Variants in ACOXL observed in about 807,000 individuals in gnomAD.
The protein encoded by ACOXL is acyl-CoA oxidase like.
ACOXL carries 70 observed loss-of-function variants against 71.9 expected under a neutral mutation model. The ratio of observed to expected loss-of-function variants is 0.97; its 90% CI spans 0.80 to 1.19. ACOXL has a LOEUF of 1.19. Ranked by LOEUF, ACOXL falls within the 50% of genes most tolerant of loss-of-function variation. The probability of loss-of-function intolerance (pLI) is 0.00; values close to 1 mark genes in which losing one functional copy is unlikely to be tolerated. For synonymous variants in ACOXL, 253 were observed against 281.6 expected, an observed-to-expected ratio of 0.90 and a Z score of 1.02; for missense variants, 703 against 736.3, an observed-to-expected ratio of 0.95 and a Z score of 0.52.
chr2:111,011,837 T>C (rs1172222619), intron 14 of ACOXL, among the ~76,000 whole-genome samples: 12 of 136,572 alleles, frequency 8.8e-5, no homozygotes, highest in African/African-American at 3.1e-4. Flanking sequence ...TGAGCCAAGA[T>C]TGCACCACTG....
intron 16 of ACOXL, among the ~76,000 whole-genome samples, chr2:111,075,728 A>G (rs1442537937): frequency 6.6e-6 from 1 of 152,044 alleles, no homozygotes; most frequent in East Asian, 1.9e-4. Context: ...TCTGAGTACT[A>G]CTTTTCCTGC....
chr2:111,094,014 A>T (rs896973611), intron 17 of ACOXL: 1 of 152,806 alleles, frequency 6.5e-6, no homozygotes, highest in African/African-American at 2.4e-5. Flanking sequence ...TTCTTATGCT[A>T]GACCTTGAAG....
chr2:110,965,776 A>G (rs1011660356), intron 12 of ACOXL, among the ~76,000 whole-genome samples: 10 of 152,176 alleles, frequency 6.6e-5, no homozygotes, highest in African/African-American at 2.2e-4. Context: ...TGGAAGGGGG[A>G]AGGAAGAAGG....
chr2:111,090,131 A>G (rs2068440016), intron 16 of ACOXL, among the ~76,000 whole-genome samples: 1 of 152,200 alleles, frequency 6.6e-6, no homozygotes, highest in Non-Finnish European at 1.5e-5. Context: ...ATCAATAGCT[A>G]TGAGTTATAG....
chr2:110,909,545 G>T (rs2059579175), intron 11 of ACOXL, among the ~76,000 whole-genome samples: 1 of 152,160 alleles, frequency 6.6e-6, no homozygotes, highest in East Asian at 1.9e-4. Flanking sequence ...ACTGGGAGTG[G>T]AGCTCCAAAC....
rs190815891 is a variant in ACOXL, at chr2:110,739,750, A to C, written c.-23+6976A>C. Among the ~76,000 whole-genome samples, 483 of 152,186 alleles carry C rather than the reference A, an allele frequency of 3.2e-3. 3 individuals carry two copies. Among genetic ancestry groups the C allele is most frequent in the African/African-American group, 0.011 (458 of 41,512 alleles). On this transcript the variant is annotated intron_variant, in intron 1 of 17. Coordinates refer to ENST00000439055, the MANE Select transcript of ACOXL (RefSeq NM_001142807.4). ...CCTCCACTTCCCAAGCATTTATACAACCCAGTGGCACCAGCTAGTTGGCTC... is the reference window on the plus strand; with the variant it reads ...CCTCCACTTCCCAAGCATTTATACACCCCAGTGGCACCAGCTAGTTGGCTC...
intron 17 of ACOXL, chr2:111,098,319 CA>C (rs1381229223): frequency 1.3e-5 from 2 of 152,186 alleles, no homozygotes; most frequent in East Asian, 3.9e-4. Context: ...CTAAAAAAAA[CA>C]AAAATCACAA....
rs1361295659 is a variant in ACOXL, at chr2:111,092,928, T to A, written c.1504T>A (p.Tyr502Asn). 1.9e-6 allele frequency: 3 copies of A among 1,613,900 alleles called. No homozygotes were observed. The highest frequency in any genetic ancestry group is 2.5e-6 in the Non-Finnish European group (3 of 1,179,998). ...GCGGGCCTGGTATTTAGAACATAAA[T>A]ACTTGACTCCCATGGCCAGCACGAG... ...QERAWYLEHK[Y>N]LTPMASTRIR... The change falls in exon 17 of 18, where the codon TAC becomes AAC. Residue 502 changes from tyrosine (Y) to asparagine (N), a missense_variant. Physicochemically the swap from Tyr to Asn is moderately radical, Grantham distance 143. Coordinates refer to ENST00000439055, the MANE Select transcript of ACOXL (RefSeq NM_001142807.4).
intron 12 of ACOXL, among the ~76,000 whole-genome samples, chr2:110,954,745 T>G (rs1299170753): frequency 1.3e-5 from 2 of 152,256 alleles, no homozygotes; most frequent in East Asian, 3.8e-4. Context: ...CCAATTTCTT[T>G]GCTCACAATT....
At chr2:111,070,391 A>C (rs2067285706) in intron 16 of ACOXL, among the ~76,000 whole-genome samples, 1 of 152,192 alleles carries the variant, frequency 6.6e-6, no homozygotes, top group African/African-American at 2.4e-5. Context: ...ATCCTTAACA[A>C]ACTAATGCAA....
intron 12 of ACOXL, among the ~76,000 whole-genome samples, chr2:110,977,310 C>A (rs937494983): frequency 6.6e-6 from 1 of 151,044 alleles, no homozygotes; most frequent in Admixed American, 6.6e-5. Context: ...GGCATGAACC[C>A]GGGAGGCAGA....
At chr2:110,967,688 T>C (rs529400316) in intron 12 of ACOXL, 2 of 383,352 alleles carry the variant, frequency 5.2e-6, no homozygotes, top group South Asian at 3.9e-5. Flanking sequence ...TCAACAATTA[T>C]AGTTGGATAT....
chr2:110,842,095 G>C (rs772551272), intron 10 of ACOXL, among the ~76,000 whole-genome samples: 1 of 152,172 alleles, frequency 6.6e-6, no homozygotes, highest in Non-Finnish European at 1.5e-5. Context: ...TGTCTGCTCA[G>C]CTGCCCACAG....
intron 9 of ACOXL, among the ~76,000 whole-genome samples, chr2:110,818,367 C>T (rs1393778416): frequency 7.1e-6 from 1 of 141,770 alleles, no homozygotes; most frequent in Non-Finnish European, 1.5e-5. Flanking sequence ...GCACTCCAGC[C>T]TGGTTGACAG....
At chr2:110,932,044 T>G (rs1382953409) in intron 11 of ACOXL, among the ~76,000 whole-genome samples, 1 of 152,250 alleles carries the variant, frequency 6.6e-6, no homozygotes, top group Non-Finnish European at 1.5e-5. Flanking sequence ...AACAAGTGAA[T>G]GCATAAATGA....
intron 17 of ACOXL, among the ~76,000 whole-genome samples, chr2:111,104,037 A>G (rs1050830356): frequency 6.6e-6 from 1 of 152,176 alleles, no homozygotes; most frequent in Non-Finnish European, 1.5e-5. Context: ...CCATGTTTAT[A>G]ATTTTGTCAT....
chr2:110,977,383 CAAAAAAAAAA>C (rs1232083797), intron 12 of ACOXL, among the ~76,000 whole-genome samples: 1 of 101,982 alleles, frequency 9.8e-6, no homozygotes, highest in Non-Finnish European at 2.1e-5. Context: ...GACTCCGTCT[CAAAAAAAAAA>C]AAGAAAAAAC....
chr2:111,048,119 A>C (rs1025270156), intron 15 of ACOXL, among the ~76,000 whole-genome samples: 3 of 152,270 alleles, frequency 2.0e-5, no homozygotes, highest in African/African-American at 4.8e-5. Flanking sequence ...CATTGGAATC[A>C]GACTGTCCCT....
intron 15 of ACOXL, among the ~76,000 whole-genome samples, chr2:111,038,780 A>C (rs549931744): frequency 2.0e-5 from 3 of 152,266 alleles, no homozygotes; most frequent in Non-Finnish European, 2.9e-5. Context: ...ATATGTTTGC[A>C]GTAAACATAC....
Sources: allele counts gnomAD v4.1 joint callset (sites outside exome capture counted in the v4.1 genomes callset), GRCh38; gene constraint gnomAD v4.1.1; transcripts MANE v1.5; gene names NCBI Gene and HGNC (gene_info 2026-07-23, HGNC 2026-07-21).